GYPE: variants seen among roughly 807,000 people sequenced by gnomAD.
GYPE encodes glycophorin-E.
A neutral mutation model predicts 11.6 loss-of-function variants in GYPE; 8 were observed. The ratio of observed to expected loss-of-function variants is 0.69; its 90% CI spans 0.41 to 1.25. The LOEUF is 1.25. Among genes scored for constraint, GYPE ranks in the 50% most tolerant of loss-of-function variants. The pLI is 0.01. For synonymous variants in GYPE, 28 were observed against 29.6 expected, an observed-to-expected ratio of 0.94 and a Z score of 0.18; for missense variants, 90 against 92.8, an observed-to-expected ratio of 0.97 and a Z score of 0.12.
intron 3 of GYPE, among the ~76,000 whole-genome samples, chr4:143,873,822 C>A (rs532863175): frequency 6.6e-6 from 1 of 151,994 alleles, no homozygotes; most frequent in Non-Finnish European, 1.5e-5. Flanking sequence ...AAAATGAGAA[C>A]CACTCAAAAG....
At chr4:143,895,076 T>C (rs930469547) in intron 1 of GYPE, among the ~76,000 whole-genome samples, 7 of 152,124 alleles carry the variant, frequency 4.6e-5, no homozygotes, top group African/African-American at 1.7e-4. Context: ...ACTGGAAGCA[T>C]TCCCTTTGAA....
chr4:143,900,619 T>C (rs1243780662), intron 1 of GYPE, among the ~76,000 whole-genome samples: 1 of 150,674 alleles, frequency 6.6e-6, no homozygotes, highest in African/African-American at 2.4e-5. Context: ...AAACAAAATG[T>C]GATATACCAA....
intron 1 of GYPE, among the ~76,000 whole-genome samples, chr4:143,893,404 C>T (rs1185067199): frequency 6.7e-5 from 10 of 149,422 alleles, no homozygotes; most frequent in Non-Finnish European, 1.2e-4. Context: ...TCTTCCTAAT[C>T]TCGATGGTCC....
chr4:143,905,450 A>C (rs1227862989), intron 1 of GYPE, 21 bp downstream of exon 1: 1 of 1,612,788 alleles, frequency 6.2e-7, no homozygotes, highest in Non-Finnish European at 8.5e-7. Flanking sequence ...AACAGAACCA[A>C]GATGAAATAA....
rs199591074 is a variant in GYPE, at chr4:143,893,823, C to T, written c.37+11648G>A. Among the ~76,000 whole-genome samples, 371 of 151,982 alleles carry T rather than the reference C, an allele frequency of 2.4e-3. 11 individuals carry two copies. In the East Asian group the frequency reaches 0.06, roughly 24 times the overall value. On this transcript the variant is annotated intron_variant, in intron 1 of 3. Coordinates refer to ENST00000358615, the MANE Select transcript of GYPE (RefSeq NM_198682.3). ...CTTTTCTCGAGGAGTATCTTTGTGG[C>T]GTTCTCTGTATTTCCTGAATCTGAA...
At chr4:143,899,382 C>A (rs111620714) in intron 1 of GYPE, among the ~76,000 whole-genome samples, 2,147 of 152,234 alleles carry the variant, frequency 0.014, 56 homozygotes, top group African/African-American at 0.049. Context: ...TTTGTTCCAT[C>A]ATTATACATG....
chr4:143,883,964 G>A (rs1415972915), intron 1 of GYPE, among the ~76,000 whole-genome samples: 1 of 152,080 alleles, frequency 6.6e-6, no homozygotes, highest in African/African-American at 2.4e-5. Flanking sequence ...GACTACCTGA[G>A]TCAGAATTCC....
At chr4:143,873,328 G>A (rs1375772148) in intron 3 of GYPE, 19 of 418,484 alleles carry the variant, frequency 4.5e-5, no homozygotes, top group South Asian at 7.1e-5. Flanking sequence ...AGGTAATAGC[G>A]TTCAGCTGAG....
intron 1 of GYPE, among the ~76,000 whole-genome samples, chr4:143,904,292 G>T (rs942793352): frequency 1.2e-4 from 19 of 152,026 alleles, no homozygotes; most frequent in Non-Finnish European, 2.4e-4. Context: ...TGCATAGTAA[G>T]CTTAACATTT....
At chr4:143,879,634 C>T (rs1057026002) in intron 2 of GYPE, among the ~76,000 whole-genome samples, 1 of 152,154 alleles carries the variant, frequency 6.6e-6, no homozygotes, top group African/African-American at 2.4e-5. Flanking sequence ...GGAGGGTAAA[C>T]AGTTGTAACA....
In GYPE at chr4:143,903,252, T is replaced by G. The variant is rs13353553; in HGVS notation, c.37+2219A>C. On this transcript the variant is annotated intron_variant, in intron 1 of 3. Coordinates refer to ENST00000358615, the MANE Select transcript of GYPE (RefSeq NM_198682.3). Reference sequence around the variant, plus strand: ...GTTGTTGTTCCATTTATTATCTGCGTTCCCTCCCACCATCCACTGTGCCCA... The same window carrying G: ...GTTGTTGTTCCATTTATTATCTGCGGTCCCTCCCACCATCCACTGTGCCCA... Among the ~76,000 whole-genome samples the G allele has an allele frequency of 8.0e-4, 121 of 151,732 alleles. 4 individuals are homozygous for G. Among genetic ancestry groups the G allele is most frequent in the African/African-American group, 2.9e-3 (118 of 41,120 alleles).
intron 2 of GYPE, 90 bp downstream of exon 2, chr4:143,880,321 G>C (rs979962299): frequency 3.1e-5 from 49 of 1,600,338 alleles, no homozygotes; most frequent in Middle Eastern, 1.7e-4. Context: ...GTGTTTGTCA[G>C]TTTCTCTGCA....
intron 1 of GYPE, among the ~76,000 whole-genome samples, chr4:143,895,953 T>C (rs1744612119): frequency 6.6e-6 from 1 of 151,910 alleles, no homozygotes; most frequent in Non-Finnish European, 1.5e-5. Flanking sequence ...TGGCTAGCCA[T>C]ATGTAGAAAG....
intron 1 of GYPE, among the ~76,000 whole-genome samples, chr4:143,895,612 C>T (rs1182186959): frequency 2.0e-5 from 3 of 147,928 alleles, no homozygotes; most frequent in African/African-American, 2.5e-5. Flanking sequence ...ATGCCATCCC[C>T]ATCAAGCTAC....
In GYPE at chr4:143,893,576, G is replaced by C. The variant is rs1286203105; in HGVS notation, c.37+11895C>G. 4.6e-5 allele frequency among the ~76,000 whole-genome samples: 7 copies of C among 152,066 alleles called. 1 individual carries two copies. In the South Asian group the frequency reaches 1.5e-3, roughly 32 times the overall value. On this transcript the variant is annotated intron_variant, in intron 1 of 3. Coordinates refer to ENST00000358615, the MANE Select transcript of GYPE (RefSeq NM_198682.3). ...ATATCTCCTTCACTTATGAAGCTTA[G>C]TTTGGCTGTATATGAAATTCTGGAT...
At chr4:143,878,358 A>G (rs1743888495) in intron 2 of GYPE, among the ~76,000 whole-genome samples, 1 of 152,166 alleles carries the variant, frequency 6.6e-6, no homozygotes. Context: ...CTGTTCTCAT[A>G]TTCCTGGGCT....
At chr4:143,901,641 G>GTTT (rs33916523) in intron 1 of GYPE, among the ~76,000 whole-genome samples, 2 of 149,126 alleles carry the variant, frequency 1.3e-5, no homozygotes, top group East Asian at 2.0e-4. Context: ...GAAGGATTGG[G>GTTT]TTTTTTTTTT....
intron 1 of GYPE, 41 bp downstream of exon 1, chr4:143,905,430 T>C (rs1745020960): frequency 2.5e-6 from 4 of 1,612,148 alleles, no homozygotes; most frequent in Non-Finnish European, 3.4e-6. Context: ...TATGATCTCA[T>C]ACCCAATATA....
intron 1 of GYPE, among the ~76,000 whole-genome samples, chr4:143,898,422 T>C (rs1744743180): frequency 6.6e-6 from 1 of 152,086 alleles, no homozygotes; most frequent in African/African-American, 2.4e-5. Flanking sequence ...GGAATAACCA[T>C]ATTAATCTTA....
Sources: allele counts gnomAD v4.1 joint callset (sites outside exome capture counted in the v4.1 genomes callset), GRCh38; gene constraint gnomAD v4.1.1; transcripts MANE v1.5; gene names NCBI Gene and HGNC (gene_info 2026-07-23, HGNC 2026-07-21).